FAM20A: variants seen among roughly 807,000 people sequenced by gnomAD.
FAM20A encodes pseudokinase FAM20A.
Under a neutral mutation model 52.0 loss-of-function variants are expected in FAM20A, and 42 were observed. That is an observed-to-expected ratio of 0.81 (90% confidence interval 0.63 to 1.04). The LOEUF is 1.04. Among genes scored for constraint, FAM20A ranks in the 50% least tolerant of loss-of-function variants. FAM20A has a pLI of 0.00. For synonymous variants in FAM20A, 304 were observed against 298.9 expected (o/e 1.02, Z -0.18); for missense variants, 742 against 712.7 (o/e 1.04, Z -0.47).
intron 1 of FAM20A, chr17:68,582,324 T>C (rs1168008154): frequency 6.6e-6 from 1 of 152,192 alleles, no homozygotes; most frequent in African/African-American, 2.4e-5. Context: ...TTTGCAAGCA[T>C]TAGGTAATTG....
chr17:68,540,153 GA>G, intron 8 of FAM20A, among the ~76,000 whole-genome samples, 187 bp from the exon 9 acceptor site: 1 of 152,260 alleles, frequency 6.6e-6, no homozygotes, highest in East Asian at 1.9e-4. Context: ...AGAAGGAAGC[GA>G]AACAAGCAAA....
intron 1 of FAM20A, among the ~76,000 whole-genome samples, chr17:68,571,853 G>A (rs1025286229): frequency 6.6e-6 from 1 of 151,410 alleles, no homozygotes; most frequent in Non-Finnish European, 1.5e-5. Context: ...CCAGGTATGA[G>A]AGTAAAGGTT....
chr17:68,573,424 TCTTTC>T (rs2087620713), intron 1 of FAM20A, among the ~76,000 whole-genome samples: 1 of 150,736 alleles, frequency 6.6e-6, no homozygotes, highest in Admixed American at 6.6e-5. Context: ...CCTTTCCCTT[TCTTTC>T]CTTTCTCTTT....
At chr17:68,548,933 C>T (rs959273212) in intron 4 of FAM20A, among the ~76,000 whole-genome samples, 1 of 151,640 alleles carries the variant, frequency 6.6e-6, no homozygotes, top group African/African-American at 2.4e-5. Context: ...GGGGTTTCAC[C>T]GTGTTAGCCA....
rs1268678627 is a variant in FAM20A, at chr17:68,535,306, A to G, written c.*2171T>C. ...TAATAAGGTAGGTGTACCACATATC[A>G]TGGTGAAATTCAAGCCTATTGCTTT... is the stretch of plus-strand genomic sequence containing the variant. On this transcript the variant is annotated 3_prime_UTR_variant, in exon 11 of 11. Transcript: ENST00000592554. 4.4e-6 allele frequency: 2 copies of G among 454,028 alleles called. No individual in the cohort carries two copies. Among genetic ancestry groups the G allele is most frequent in the South Asian group, 3.1e-5 (2 of 64,486 alleles). 28.1% of individuals were successfully genotyped at this position (454,028 alleles called of 1,614,324 possible).
intron 1 of FAM20A, among the ~76,000 whole-genome samples, chr17:68,559,612 AAAAG>A (rs2087153499): frequency 6.6e-6 from 1 of 152,226 alleles, no homozygotes; most frequent in African/African-American, 2.4e-5. Flanking sequence ...CTTTCAGAAA[AAAAG>A]AGCATTTTAA....
At chr17:68,546,385 G>A (rs2086567716) in intron 4 of FAM20A, among the ~76,000 whole-genome samples, 2 of 151,830 alleles carry the variant, frequency 1.3e-5, no homozygotes, top group African/African-American at 4.9e-5. Flanking sequence ...TGTTAATGTT[G>A]ATATTTTTAC....
intron 1 of FAM20A, among the ~76,000 whole-genome samples, chr17:68,584,590 A>G (rs557339097): frequency 1.3e-5 from 2 of 152,382 alleles, no homozygotes; most frequent in African/African-American, 4.8e-5. Flanking sequence ...CATCTTCAGT[A>G]GAGCCTGACC....
At chr17:68,551,790 T>G (rs897076665) in intron 4 of FAM20A, 83 bp downstream of exon 4, 9 of 931,468 alleles carry the variant, frequency 9.7e-6, no homozygotes, top group Non-Finnish European at 1.5e-5. Context: ...AGAAAGACTT[T>G]AGGTCACTTT....
At chr17:68,576,688 T>C (rs143215210) in intron 1 of FAM20A, among the ~76,000 whole-genome samples, 3 of 152,322 alleles carry the variant, frequency 2.0e-5, no homozygotes, top group Admixed American at 2.0e-4. Context: ...GTTGGGGACC[T>C]AGGGACAAAA....
intron 10 of FAM20A, among the ~76,000 whole-genome samples, chr17:68,538,399 A>C (rs917260858): frequency 3.9e-5 from 6 of 152,262 alleles, no homozygotes; most frequent in African/African-American, 1.4e-4. Flanking sequence ...TAGATGAGGA[A>C]TACTCATGCT....
intron 1 of FAM20A, among the ~76,000 whole-genome samples, chr17:68,583,712 C>G (rs1041353707): frequency 3.3e-5 from 5 of 151,748 alleles, no homozygotes; most frequent in African/African-American, 1.2e-4. Context: ...GTCAGGAGAT[C>G]GAGACACAGT....
rs1369052225 is a variant in FAM20A, at chr17:68,537,945, CG to C, written c.1362-205del. 1.3e-5 allele frequency among the ~76,000 whole-genome samples: 2 copies of C among 152,048 alleles called. No homozygotes were observed. The highest frequency in any genetic ancestry group is 2.9e-5 in the Non-Finnish European group (2 of 68,012). On this transcript the variant is annotated intron_variant, in intron 10 of 10. Coordinates refer to ENST00000592554, the MANE Select transcript of FAM20A (RefSeq NM_017565.4). This position sits in a 1 kb window ranked among gnomAD's most constrained non-coding sequence, Gnocchi z 4.2. Reference sequence around the variant, plus strand: ...TATCCTGCAGTCCTTTGCCCAATTGCGATTTGGTCAAGAGCCTGCATAGCCA... The same window carrying C: ...TATCCTGCAGTCCTTTGCCCAATTGCATTTGGTCAAGAGCCTGCATAGCCA...
intron 1 of FAM20A, among the ~76,000 whole-genome samples, chr17:68,556,335 A>C (rs1368373125): frequency 7.2e-5 from 11 of 152,192 alleles, no homozygotes; most frequent in Admixed American, 7.2e-4. Flanking sequence ...AAAAAGAGAA[A>C]AATAAAAAAG....
At chr17:68,592,415 C>T (rs1370333231) in intron 1 of FAM20A, among the ~76,000 whole-genome samples, 1 of 152,088 alleles carries the variant, frequency 6.6e-6, no homozygotes, top group Admixed American at 6.5e-5. Flanking sequence ...AAACTGAGAC[C>T]CTGTAAGGAC....
chr17:68,578,586 G>C (rs1186251766), intron 1 of FAM20A, among the ~76,000 whole-genome samples: 1 of 152,086 alleles, frequency 6.6e-6, no homozygotes. Flanking sequence ...CCTGTTCTCA[G>C]AAGATAGCTG....
At chr17:68,554,955 C>A (rs138411045) in intron 2 of FAM20A, 128 bp from the exon 3 acceptor site, 2 of 938,482 alleles carry the variant, frequency 2.1e-6, no homozygotes, top group Non-Finnish European at 1.7e-6. Context: ...GGGCCCTTGA[C>A]CACTCCGTGG....
At chr17:68,591,604 G>A (rs1402400659) in intron 1 of FAM20A, among the ~76,000 whole-genome samples, 2 of 152,200 alleles carry the variant, frequency 1.3e-5, no homozygotes, top group Non-Finnish European at 2.9e-5. Context: ...ACAGCTAAGG[G>A]TCCCTGGCGA....
intron 1 of FAM20A, among the ~76,000 whole-genome samples, chr17:68,583,873 G>A (rs1012655470): frequency 1.3e-5 from 2 of 151,952 alleles, no homozygotes; most frequent in Non-Finnish European, 2.9e-5. Context: ...GTGACAGAGT[G>A]AGACTCCATC....
Sources: gnomAD v4.1 joint callset for allele counts (sites outside exome capture counted in the v4.1 genomes callset) on GRCh38, gnomAD v4.1.1 for gene constraint, Gnocchi (gnomAD v3.1) non-coding constraint, MANE v1.5 for transcripts, NCBI Gene and HGNC (gene_info 2026-07-23, HGNC 2026-07-21) for gene names.